Variants in TENM3 observed in about 807,000 individuals in gnomAD.
The protein encoded by TENM3 is teneurin-3.
A neutral mutation model predicts 255.1 loss-of-function variants in TENM3; 63 were observed. The ratio of observed to expected loss-of-function variants is 0.25; its 90% CI spans 0.20 to 0.30. TENM3 has a LOEUF of 0.30. Ranked by LOEUF, TENM3 falls within the 10% of genes least tolerant of loss-of-function variation. TENM3 has a pLI of 1.00. For missense variants in TENM3, 2,929 were observed against 3,461.1 expected (o/e 0.85, Z 3.86); for synonymous variants, 1,306 against 1,322.3 (o/e 0.99, Z 0.27).
chr4:181,743,928 C>T, the TENM3 span, among the ~76,000 whole-genome samples: 5,537 of 152,186 alleles, frequency 0.036, 154 homozygotes, highest in Middle Eastern at 0.12. Context: ...CTAGGTATTA[C>T]ACCCAGTATC....
chr4:182,318,081 C>A (rs1762848102), intron 1 of TENM3, among the ~76,000 whole-genome samples: 1 of 152,108 alleles, frequency 6.6e-6, no homozygotes, highest in Non-Finnish European at 1.5e-5. Flanking sequence ...TGGGGGTGAG[C>A]TTTTCCAGAC....
chr4:182,039,535 A>G, the TENM3 span, among the ~76,000 whole-genome samples: 10 of 152,202 alleles, frequency 6.6e-5, no homozygotes, highest in Admixed American at 1.3e-4. Flanking sequence ...AACCTACTTC[A>G]GGTTCCCACT....
chr4:181,943,453 A>G, the TENM3 span, among the ~76,000 whole-genome samples: 6 of 152,194 alleles, frequency 3.9e-5, no homozygotes, highest in Admixed American at 2.6e-4. Flanking sequence ...TTCCAGCATT[A>G]GTTGGTTAAG....
chr4:181,541,736 C>G, the TENM3 span, among the ~76,000 whole-genome samples: 2 of 152,212 alleles, frequency 1.3e-5, no homozygotes, highest in African/African-American at 4.8e-5. Context: ...CTCATCAGAA[C>G]ACAGCTCCTC....
chr4:182,648,763 C>G (rs532656544), intron 5 of TENM3, among the ~76,000 whole-genome samples: 38 of 152,272 alleles, frequency 2.5e-4, no homozygotes, highest in African/African-American at 9.1e-4. Context: ...TGGTGACTTT[C>G]ATTCTTCTCA....
intron 3 of TENM3, among the ~76,000 whole-genome samples, chr4:182,406,486 A>G (rs1262336496): frequency 1.3e-5 from 2 of 152,272 alleles, no homozygotes; most frequent in East Asian, 3.9e-4. Context: ...AAAAGCAAAA[A>G]GATGTCTTCC....
the TENM3 span, among the ~76,000 whole-genome samples, chr4:181,451,340 G>A: frequency 1.3e-5 from 2 of 152,176 alleles, no homozygotes; most frequent in East Asian, 3.9e-4. Flanking sequence ...CTGGTGCAAT[G>A]CATGAAGGAC....
chr4:181,802,783 A>G, the TENM3 span, among the ~76,000 whole-genome samples: 1 of 152,180 alleles, frequency 6.6e-6, no homozygotes, highest in African/African-American at 2.4e-5. Context: ...TTCAGAAAAC[A>G]TCAAGATTCC....
chr4:182,785,354 G>A (rs1436151961), intron 24 of TENM3, among the ~76,000 whole-genome samples: 1 of 151,858 alleles, frequency 6.6e-6, no homozygotes, highest in East Asian at 1.9e-4. Context: ...TTACAGACAT[G>A]AGCCACCCCT....
the TENM3 span, among the ~76,000 whole-genome samples, chr4:181,679,322 G>A: frequency 1.3e-5 from 2 of 152,028 alleles, no homozygotes; most frequent in African/African-American, 2.4e-5. Context: ...GATTCCGGGG[G>A]CTGCCCCATT....
At chr4:181,650,407 G>T in the TENM3 span, among the ~76,000 whole-genome samples, 4 of 152,132 alleles carry the variant, frequency 2.6e-5, no homozygotes, top group Admixed American at 2.0e-4. Flanking sequence ...TGCTACATGG[G>T]GGTCATGTAG....
chr4:182,258,530 CA>C (rs35088208), intron 1 of TENM3, among the ~76,000 whole-genome samples: 2,434 of 148,808 alleles, frequency 0.016, 74 homozygotes, highest in African/African-American at 0.055. Flanking sequence ...TTTTCCCTCT[CA>C]AAAAAAAAAT....
At chr4:181,837,879 C>A in the TENM3 span, among the ~76,000 whole-genome samples, 1 of 152,124 alleles carries the variant, frequency 6.6e-6, no homozygotes, top group Admixed American at 6.5e-5. Context: ...GTGGCTCACG[C>A]CTATAATCCC....
At chr4:182,137,793 G>C in the TENM3 span, among the ~76,000 whole-genome samples, 2 of 152,128 alleles carry the variant, frequency 1.3e-5, no homozygotes, top group Non-Finnish European at 2.9e-5. Flanking sequence ...GCAATTTAAA[G>C]CTGCAAGGGA....
At chr4:181,498,431 A>G in the TENM3 span, among the ~76,000 whole-genome samples, 64 of 151,990 alleles carry the variant, frequency 4.2e-4, no homozygotes, top group African/African-American at 1.4e-3. Flanking sequence ...TCCTGTCTCA[A>G]GAAGGCATTT....
At chr4:182,261,560 T>G (rs1285842984) in intron 1 of TENM3, among the ~76,000 whole-genome samples, 1 of 152,226 alleles carries the variant, frequency 6.6e-6, no homozygotes, top group Non-Finnish European at 1.5e-5. Context: ...CAAATGCGCT[T>G]TTAAAGAATA....
At chr4:181,733,246 A>G in the TENM3 span, among the ~76,000 whole-genome samples, 1 of 152,206 alleles carries the variant, frequency 6.6e-6, no homozygotes, top group African/African-American at 2.4e-5. Context: ...AGATATAAAC[A>G]TACATTAAGT....
intron 3 of TENM3, among the ~76,000 whole-genome samples, chr4:182,571,053 G>A (rs1162797018): frequency 6.6e-6 from 1 of 152,124 alleles, no homozygotes; most frequent in African/African-American, 2.4e-5. Context: ...CTAGATTACA[G>A]AATCTGTGTC....
chr4:182,007,897 G>A, the TENM3 span, among the ~76,000 whole-genome samples: 2 of 152,274 alleles, frequency 1.3e-5, no homozygotes, highest in South Asian at 4.2e-4. Context: ...CTTCTTTCAG[G>A]AGCTCTTGCA....
Sources: allele counts gnomAD v4.1 joint callset (sites outside exome capture counted in the v4.1 genomes callset), GRCh38; gene constraint gnomAD v4.1.1; transcripts MANE v1.5; gene names NCBI Gene and HGNC (gene_info 2026-07-23, HGNC 2026-07-21).